EHD4: variants seen among roughly 807,000 people sequenced by gnomAD.
The protein encoded by EHD4 is EH domain-containing protein 4.
EHD4 carries 37 observed loss-of-function variants against 51.0 expected under a neutral mutation model. The ratio of observed to expected loss-of-function variants is 0.73; its 90% CI spans 0.56 to 0.95. The LOEUF is 0.95. Among genes scored for constraint, EHD4 ranks in the 40% least tolerant of loss-of-function variants. The pLI, the probability that EHD4 is intolerant of heterozygous loss-of-function variation, is 0.00. For synonymous variants in EHD4, 297 were observed against 317.3 expected, an observed-to-expected ratio of 0.94 and a Z score of 0.68; for missense variants, 632 against 733.1, an observed-to-expected ratio of 0.86 and a Z score of 1.59.
intron 1 of EHD4, among the ~76,000 whole-genome samples, chr15:41,958,769 G>A (rs1170842404): frequency 6.6e-6 from 1 of 152,194 alleles, no homozygotes; most frequent in African/African-American, 2.4e-5. Flanking sequence ...CTCGTTATGT[G>A]CTAAAGTCTT....
intron 2 of EHD4, among the ~76,000 whole-genome samples, chr15:41,950,675 G>T (rs1300018123): frequency 6.6e-6 from 1 of 152,186 alleles, no homozygotes; most frequent in Admixed American, 6.5e-5. Context: ...TTTACATGAG[G>T]CATGTCCCTT....
chr15:41,933,145 C>T (rs1172412532), intron 3 of EHD4, among the ~76,000 whole-genome samples: 1 of 152,198 alleles, frequency 6.6e-6, no homozygotes, highest in Non-Finnish European at 1.5e-5. Context: ...CTGCATCTCC[C>T]CACCTCCCTC....
intron 5 of EHD4, among the ~76,000 whole-genome samples, chr15:41,907,762 A>T (rs1250488955): frequency 6.6e-6 from 1 of 150,740 alleles, no homozygotes; most frequent in Non-Finnish European, 1.5e-5. Context: ...AGCTCAAGTG[A>T]TCTGTCCGCC....
chr15:41,933,128 A>T (rs933855883), intron 3 of EHD4, among the ~76,000 whole-genome samples: 21 of 152,182 alleles, frequency 1.4e-4, no homozygotes, highest in Admixed American at 1.3e-3. Context: ...GGCCCACAGG[A>T]GTGTGCCTGC....
intron 3 of EHD4, among the ~76,000 whole-genome samples, chr15:41,938,097 G>A (rs553938578): frequency 1.2e-4 from 18 of 152,258 alleles, no homozygotes; most frequent in South Asian, 2.1e-4. Flanking sequence ...ATCGTGCCCC[G>A]TCACATGAGG....
intron 3 of EHD4, among the ~76,000 whole-genome samples, chr15:41,937,690 C>G (rs1001250119): frequency 6.6e-6 from 1 of 152,194 alleles, no homozygotes; most frequent in South Asian, 2.1e-4. Context: ...CTCTCCTTTC[C>G]CGAGCAAGCT....
chr15:41,937,377 C>T (rs184334895), intron 3 of EHD4, among the ~76,000 whole-genome samples: 163 of 152,282 alleles, frequency 1.1e-3, no homozygotes, highest in African/African-American at 3.8e-3. Flanking sequence ...TCCCTCGACT[C>T]GGTGCTAGGC....
chr15:41,958,228 T>G (rs1174662934), intron 1 of EHD4, among the ~76,000 whole-genome samples: 3 of 151,818 alleles, frequency 2.0e-5, no homozygotes, highest in Non-Finnish European at 4.4e-5. Context: ...GCTCCCCCTT[T>G]CCTGTGTTCT....
At chr15:41,938,587 C>T (rs1026900781) in intron 3 of EHD4, among the ~76,000 whole-genome samples, 1 of 152,188 alleles carries the variant, frequency 6.6e-6, no homozygotes, top group African/African-American at 2.4e-5. Flanking sequence ...AAGACACTCT[C>T]GAATTTTCAT....
At chr15:41,968,528 G>A (rs959751094) in intron 1 of EHD4, among the ~76,000 whole-genome samples, 12 of 144,116 alleles carry the variant, frequency 8.3e-5, no homozygotes, top group African/African-American at 2.8e-4. Flanking sequence ...GAGCTCAAAC[G>A]ATCCACCTAC....
At chr15:41,915,383 A>G (rs1372564708) in intron 4 of EHD4, among the ~76,000 whole-genome samples, 2 of 152,214 alleles carry the variant, frequency 1.3e-5, no homozygotes, top group African/African-American at 4.8e-5. Context: ...CAGCCTATAG[A>G]CAAGAAAGCC....
At chr15:41,906,436 A>G (rs1319944029) in intron 5 of EHD4, among the ~76,000 whole-genome samples, 1 of 152,204 alleles carries the variant, frequency 6.6e-6, no homozygotes, top group Non-Finnish European at 1.5e-5. Flanking sequence ...GTTGCTCAGT[A>G]AAATCCTCCA....
chr15:41,958,845 C>T (rs1384937183), intron 1 of EHD4, among the ~76,000 whole-genome samples: 1 of 152,118 alleles, frequency 6.6e-6, no homozygotes, highest in Non-Finnish European at 1.5e-5. Context: ...CCCTATTTTA[C>T]AGATGAGGAA....
At chr15:41,963,964 T>C (rs1179934876) in intron 1 of EHD4, among the ~76,000 whole-genome samples, 1 of 150,954 alleles carries the variant, frequency 6.6e-6, no homozygotes, top group Non-Finnish European at 1.5e-5. Flanking sequence ...GCTAATACAG[T>C]GAAACCCCGT....
chr15:41,940,690 A>G (rs553470208), intron 3 of EHD4, among the ~76,000 whole-genome samples: 1 of 152,352 alleles, frequency 6.6e-6, no homozygotes, highest in African/African-American at 2.4e-5. Context: ...AGTACATGCC[A>G]TAGTAAGTCA....
intron 3 of EHD4, among the ~76,000 whole-genome samples, chr15:41,929,459 G>A (rs908817683): frequency 1.3e-5 from 2 of 152,204 alleles, no homozygotes; most frequent in African/African-American, 4.8e-5. Context: ...CCCACTGAAC[G>A]CTGCTGCTTC....
At chr15:41,949,112 G>A (rs2067836447) in intron 2 of EHD4, among the ~76,000 whole-genome samples, 1 of 148,418 alleles carries the variant, frequency 6.7e-6, no homozygotes. Flanking sequence ...GCTCATGCCT[G>A]TAATCCCAGC....
intron 1 of EHD4, among the ~76,000 whole-genome samples, chr15:41,962,744 C>A (rs970096715): frequency 7.5e-4 from 114 of 152,000 alleles, no homozygotes; most frequent in African/African-American, 2.7e-3. Flanking sequence ...GCCACCCTGT[C>A]TGGGAAGTGA....
At chr15:41,932,579 A>G (rs1257078635) in intron 3 of EHD4, among the ~76,000 whole-genome samples, 1 of 152,216 alleles carries the variant, frequency 6.6e-6, no homozygotes, top group Non-Finnish European at 1.5e-5. Flanking sequence ...AGGAAACTGC[A>G]TCAGGGCATG....
Sources: gnomAD v4.1 joint callset for allele counts (sites outside exome capture counted in the v4.1 genomes callset) on GRCh38, gnomAD v4.1.1 for gene constraint, MANE v1.5 for transcripts, NCBI Gene and HGNC (gene_info 2026-07-23, HGNC 2026-07-21) for gene names.